CFAP74: variants seen among roughly 807,000 people sequenced by gnomAD.
The protein encoded by CFAP74 is cilia and flagella associated protein 74.
CFAP74 carries 124 observed loss-of-function variants against 188.9 expected under a neutral mutation model. That is an observed-to-expected ratio of 0.66 (90% CI 0.57 to 0.76). CFAP74 has a LOEUF of 0.76. CFAP74 is among the 30% of genes least tolerant of loss of function. The pLI is 0.00. For synonymous variants in CFAP74, 956 were observed against 916.7 expected (o/e 1.04, Z -0.77); for missense variants, 2,198 against 2,165.2 (o/e 1.02, Z -0.30).
intron 22 of CFAP74, among the ~76,000 whole-genome samples, chr1:1,940,650 CTG>C (rs1653305983): frequency 6.6e-6 from 1 of 152,336 alleles, no homozygotes; most frequent in African/African-American, 2.4e-5. Context: ...ACACAAGTGA[CTG>C]TGGCTCAAAA....
rs1558028746 is a variant in CFAP74, at chr1:1,959,996, A to ACATTCCGGCTGAC, written c.1716_1728dup (p.Ser577ValfsTer7). Reference sequence around the variant, plus strand: ...TTGAAGGTGACAAGCACTTCACAGGACATTCCGGCTGACAGGGGGCCAGGG... The same window carrying ACATTCCGGCTGAC: ...TTGAAGGTGACAAGCACTTCACAGGACATTCCGGCTGACCATTCCGGCTGACAGGGGGCCAGGG... On this transcript the variant is annotated frameshift_variant, in exon 15 of 39. Transcript: ENST00000682832. LOFTEE classifies it high-confidence loss of function. 6.3e-7 allele frequency: 1 copy of ACATTCCGGCTGAC among 1,596,390 alleles called. No homozygotes were observed. The highest frequency in any genetic ancestry group is 1.1e-5 in the South Asian group (1 of 89,564).
intron 6 of CFAP74, among the ~76,000 whole-genome samples, chr1:1,978,927 C>G (rs1404967368): frequency 6.6e-6 from 1 of 151,848 alleles, no homozygotes. Flanking sequence ...GGGAAGGCAT[C>G]ATGTGACGAG....
At chr1:1,971,789 C>G (rs1482666395) in intron 9 of CFAP74, among the ~76,000 whole-genome samples, 191 bp downstream of exon 9, 1 of 152,286 alleles carries the variant, frequency 6.6e-6, no homozygotes, top group Non-Finnish European at 1.5e-5. Flanking sequence ...ACTCCAGTGC[C>G]TGGCCCTGAC....
At position 1,979,887 on chromosome 1, in the gene CFAP74, G is replaced by A. The variant is rs76274023; in HGVS notation, c.500+5499C>T. Among the ~76,000 whole-genome samples, 119 of 73,164 alleles carry A rather than the reference G, an allele frequency of 1.6e-3. 22 individuals are homozygous for A. The highest frequency in any genetic ancestry group is 4.1e-3 in the African/African-American group (95 of 23,162). The allele number at this position is 73,164 out of a possible 152,430, so 48.0% of individuals were successfully genotyped here. The stretch of plus-strand genomic sequence containing the variant: ...CGAAGCTGCGCAGAACACACGTGTC[G>A]TGCTGAGCTGGGCATGGGAAGGTGT... On this transcript the variant is annotated intron_variant, in intron 6 of 38. Coordinates refer to ENST00000682832, the MANE Select transcript of CFAP74 (RefSeq NM_001304360.2).
chr1:1,935,005 G>A lies in CFAP74; in HGVS notation c.3011+3850C>T, dbSNP rs562489853. ...TGTTAGGTTGTAGGTACACACGTGT[G>A]TATGTGTGTTGCTGTGGGTACACAC... On this transcript the variant is annotated intron_variant, in intron 25 of 38. Transcript: ENST00000682832. Among the ~76,000 whole-genome samples the A allele has an allele frequency of 1.1e-3, 95 of 84,084 alleles. 25 individuals carry two copies. Among genetic ancestry groups the A allele is most frequent in the African/African-American group, 3.2e-3 (73 of 22,710 alleles). The allele number at this position is 84,084 out of a possible 152,430, so 55.2% of individuals were successfully genotyped here. A position where few individuals can be genotyped will look rare whatever the true frequency, so the allele number is the denominator to read the frequency against.
intron 14 of CFAP74, among the ~76,000 whole-genome samples, chr1:1,961,019 C>T (rs949483290): frequency 6.6e-6 from 1 of 152,208 alleles, no homozygotes; most frequent in Non-Finnish European, 1.5e-5. Context: ...CAGAACTTGG[C>T]ATTTTTAGAA....
intron 18 of CFAP74, among the ~76,000 whole-genome samples, chr1:1,948,204 G>A (rs543928994): frequency 4.6e-5 from 7 of 152,146 alleles, no homozygotes; most frequent in South Asian, 2.1e-4. Flanking sequence ...GAAGGGGTGC[G>A]GCTGCCTCAG....
Position 1,938,981 on chromosome 1 carries a change from T to A in CFAP74, c.2885A>T (p.Asp962Val). ...CCCAAACCCATCGTTGGGTTGGACG[T>A]CCACAAACTGGAAATAGAAGAGTGC... ...FGFVRLPKFV[D>V]VQPNDGFGTI... Residue 962 changes from aspartate to valine, a missense_variant, in exon 25 of 39, where the codon GAC becomes GTC. Coordinates refer to ENST00000682832, the MANE Select transcript of CFAP74 (RefSeq NM_001304360.2). 6.5e-7 allele frequency: 1 copy of A among 1,535,778 alleles called. No homozygotes were observed. Among genetic ancestry groups the A allele is most frequent in the Non-Finnish European group, 8.7e-7 (1 of 1,146,672 alleles).
chr1:1,966,624 C>T (rs1570933737), intron 11 of CFAP74, 98 bp from the exon 12 acceptor site: 5 of 1,181,678 alleles, frequency 4.2e-6, no homozygotes, highest in East Asian at 5.7e-5. Flanking sequence ...CCGCTGCCTG[C>T]CCCCGTTCTT....
intron 14 of CFAP74, among the ~76,000 whole-genome samples, chr1:1,960,895 C>T (rs187957129): frequency 2.4e-4 from 36 of 152,226 alleles, no homozygotes; most frequent in African/African-American, 8.4e-4. Flanking sequence ...ATGACAGAAG[C>T]GTGGAGTGGG....
At chr1:1,971,198 TACATGCACACCTGCACACATAC>T (rs1656004668) in intron 9 of CFAP74, among the ~76,000 whole-genome samples, 1 of 127,746 alleles carries the variant, frequency 7.8e-6, no homozygotes, top group South Asian at 2.6e-4. Flanking sequence ...CAGACGTGCT[TACATGCACACCTGCACACATAC>T]GCGTGCACGC....
intron 18 of CFAP74, 124 bp downstream of exon 18, chr1:1,955,567 A>G: frequency 1.2e-6 from 2 of 1,611,930 alleles, no homozygotes; most frequent in South Asian, 2.2e-5. Context: ...CCGTCACTTA[A>G]CATCGAAGGC....
intron 19 of CFAP74, 60 bp downstream of exon 19, chr1:1,946,929 TG>T: frequency 1.5e-6 from 2 of 1,320,264 alleles, no homozygotes; most frequent in Non-Finnish European, 2.1e-6. Context: ...CAGCTGGGGC[TG>T]GGGGAAGGTG....
intron 11 of CFAP74, among the ~76,000 whole-genome samples, chr1:1,966,837 AT>A (rs756219387): frequency 0.018 from 2,400 of 135,576 alleles, 42 homozygotes; most frequent in African/African-American, 0.054. Context: ...ATCTGTTCTC[AT>A]TTTTTTTTTT....
At chr1:1,970,481 C>T (rs1222319783) in intron 10 of CFAP74, among the ~76,000 whole-genome samples, 178 bp downstream of exon 10, 2 of 152,166 alleles carry the variant, frequency 1.3e-5, no homozygotes, top group Non-Finnish European at 2.9e-5. Context: ...CTGAGTCAGG[C>T]CCAGGCAGGG....
In CFAP74 at chr1:1,938,957, C is replaced by T; in HGVS notation, c.2909G>A (p.Gly970Glu). 6.5e-7 allele frequency: 1 copy of T among 1,536,142 alleles called. No individual in the cohort carries two copies. The highest frequency in any genetic ancestry group is 8.7e-7 in the Non-Finnish European group (1 of 1,146,896). ...FVDVQPNDGF[G>E]TILPLETLQF... ...CAGCGTTTCCAGGGGCAGGATCGTC[C>T]CAAACCCATCGTTGGGTTGGACGTC... The change falls in exon 25 of 39, where the codon GGG (glycine) becomes GAG (glutamate). Residue 970 changes from glycine (G) to glutamate (E), a missense_variant. Transcript: ENST00000682832.
Position 1,973,974 on chromosome 1 carries a change from G to A in CFAP74, c.674+51C>T, listed in dbSNP as rs572819685. On this transcript the variant is annotated intron_variant, in intron 7 of 38. Coordinates refer to ENST00000682832, the MANE Select transcript of CFAP74 (RefSeq NM_001304360.2). This position sits in a 1 kb window ranked among gnomAD's most constrained non-coding sequence, Gnocchi z 6.2. ...GACCCCTGGGGGAGAGGGCGGAGGGGCTGGCAGAAGCTGCTGGGAAGGGAT... is the reference window on the plus strand; with the variant it reads ...GACCCCTGGGGGAGAGGGCGGAGGGACTGGCAGAAGCTGCTGGGAAGGGAT... 189 of 1,464,092 alleles carry A rather than the reference G, an allele frequency of 1.3e-4. 4 individuals are homozygous for A. In the East Asian group the frequency reaches 4.7e-3, roughly 36 times the overall value. The allele number at this position is 1,464,092 out of a possible 1,614,324, so 90.7% of individuals were successfully genotyped here. A position where few individuals can be genotyped will look rare whatever the true frequency, so the allele number is the denominator to read the frequency against.
chr1:1,987,141 G>T, intron 4 of CFAP74, 106 bp from the exon 5 acceptor site: 1 of 860,630 alleles, frequency 1.2e-6, no homozygotes, highest in Non-Finnish European at 1.8e-6. Context: ...CAGACCCCCA[G>T]AGCCCCCCTC....
chr1:1,982,921 G>T (rs1349821546), intron 6 of CFAP74, among the ~76,000 whole-genome samples: 1 of 152,260 alleles, frequency 6.6e-6, no homozygotes, highest in Non-Finnish European at 1.5e-5. Flanking sequence ...TCTACTGACG[G>T]TTAAGGGTCT....
Sources: allele counts gnomAD v4.1 joint callset (sites outside exome capture counted in the v4.1 genomes callset), GRCh38; gene constraint gnomAD v4.1.1; non-coding constraint Gnocchi (gnomAD v3.1); transcripts MANE v1.5; gene names NCBI Gene and HGNC (gene_info 2026-07-23, HGNC 2026-07-21).